The following BTBD8 variants were observed in gnomAD, a reference collection of about 807,000 sequenced individuals.
BTBD8 encodes the protein BTB domain containing 8.
A neutral mutation model predicts 162.9 loss-of-function variants in BTBD8; 110 were observed. The ratio of observed to expected loss-of-function variants is 0.68; its 90% CI spans 0.58 to 0.79. The LOEUF is 0.79. BTBD8 is among the 30% of genes least tolerant of loss of function. The pLI is 0.00. For missense variants in BTBD8, 1,905 were observed against 2,085.4 expected, an observed-to-expected ratio of 0.91 and a Z score of 1.68; for synonymous variants, 667 against 716.1, an observed-to-expected ratio of 0.93 and a Z score of 1.10.
At chr1:92,103,713 G>T (rs1648655337) in intron 3 of BTBD8, among the ~76,000 whole-genome samples, 1 of 152,188 alleles carries the variant, frequency 6.6e-6, no homozygotes. Flanking sequence ...GAGGGGAGGA[G>T]AAGGTAGTTT....
At chr1:92,152,769 A>G (rs1650073705) in intron 9 of BTBD8, among the ~76,000 whole-genome samples, 1 of 152,040 alleles carries the variant, frequency 6.6e-6, no homozygotes, top group Non-Finnish European at 1.5e-5. Flanking sequence ...TATAGCTGTA[A>G]TTAGGTCCTT....
In BTBD8 at chr1:92,111,006, TC is replaced by T. The variant is rs2101910252; in HGVS notation, c.662+3007del. The stretch of plus-strand genomic sequence containing the variant: ...GAGCAGTCATTCCTTTTTTTTTTTT[TC>T]CTAAGACAAAGTCTTGCTCTTTTGC... On this transcript the variant is annotated intron_variant, in intron 4 of 17. Transcript: ENST00000636805. 2.0e-5 allele frequency among the ~76,000 whole-genome samples: 3 copies of T among 152,020 alleles called. No individual in the cohort carries two copies. The South Asian group carries it at 6.2e-4, about 32-fold the overall frequency.
intron 2 of BTBD8, among the ~76,000 whole-genome samples, chr1:92,089,330 G>T (rs912015769): frequency 2.6e-5 from 4 of 152,170 alleles, no homozygotes; most frequent in African/African-American, 9.7e-5. Flanking sequence ...GACATTGCCA[G>T]ATGTCCTCTG....
At chr1:92,167,760 A>T in intron 10 of BTBD8, 88 bp from the exon 11 acceptor site, 1 of 1,043,694 alleles carries the variant, frequency 9.6e-7, no homozygotes. Context: ...TCATACAGCT[A>T]GTTATAATGA....
At chr1:92,167,662 AAAAT>A (rs1277126330) in intron 10 of BTBD8, among the ~76,000 whole-genome samples, 182 bp from the exon 11 acceptor site, 1 of 152,252 alleles carries the variant, frequency 6.6e-6, no homozygotes, top group African/African-American at 2.4e-5. Context: ...AAGTATAATA[AAAAT>A]AAATAAATAA....
At chr1:92,121,078 T>A (rs980016149) in intron 4 of BTBD8, among the ~76,000 whole-genome samples, 3 of 152,216 alleles carry the variant, frequency 2.0e-5, no homozygotes, top group African/African-American at 7.2e-5. Context: ...ATTGCCTAAA[T>A]TTTTAAAATC....
Position 92,085,724 on chromosome 1 carries a change from C to T in BTBD8, c.150-2974C>T, listed in dbSNP as rs193187835. 2.4e-3 allele frequency among the ~76,000 whole-genome samples: 363 copies of T among 152,002 alleles called. 2 individuals are homozygous for T. Among genetic ancestry groups the T allele is most frequent in the African/African-American group, 8.5e-3 (353 of 41,466 alleles). Reference sequence around the variant, plus strand: ...CAGCCTGGGTGACAGAGTGAGACTCCGTCTAAATAATAATAATTTACAGGC... The same window carrying T: ...CAGCCTGGGTGACAGAGTGAGACTCTGTCTAAATAATAATAATTTACAGGC... On this transcript the variant is annotated intron_variant, in intron 1 of 17. Coordinates refer to ENST00000636805, the MANE Select transcript of BTBD8 (RefSeq NM_001376131.1).
intron 9 of BTBD8, among the ~76,000 whole-genome samples, chr1:92,156,310 A>T (rs1487396459): frequency 6.6e-6 from 1 of 152,154 alleles, no homozygotes; most frequent in Non-Finnish European, 1.5e-5. Context: ...TGTACTGTTG[A>T]ATTCAGTGTG....
At chr1:92,089,621 A>G (rs912101885) in intron 2 of BTBD8, among the ~76,000 whole-genome samples, 14 of 152,292 alleles carry the variant, frequency 9.2e-5, no homozygotes, top group African/African-American at 3.4e-4. Context: ...TTCCTTGAAG[A>G]TAGCGTCTTC....
In BTBD8 at chr1:92,177,284, A is replaced by C. The variant is rs1650746565; in HGVS notation, c.2091A>C (p.Thr697=). Reference sequence around the variant, plus strand: ...CAGGTGCCAGACCCAAGGTACTCACAGGAAACTTAAATGTGCAAGCCAAAG... The same window carrying C: ...CAGGTGCCAGACCCAAGGTACTCACCGGAAACTTAAATGTGCAAGCCAAAG... ...QISGARPKVL[T]GNLNVQAKAK... is the part of the protein sequence containing the mutation. Residue 697 remains threonine (T), a synonymous_variant, in exon 14 of 18, where the codon ACA becomes ACC. Coordinates refer to ENST00000636805, the MANE Select transcript of BTBD8 (RefSeq NM_001376131.1). 6.4e-7 allele frequency: 1 copy of C among 1,552,030 alleles called. No individual in the cohort carries two copies. Among genetic ancestry groups the C allele is most frequent in the African/African-American group, 1.4e-5 (1 of 73,066 alleles).
intron 5 of BTBD8, among the ~76,000 whole-genome samples, chr1:92,134,292 G>A (rs1309371122): frequency 6.6e-6 from 1 of 152,128 alleles, no homozygotes; most frequent in African/African-American, 2.4e-5. Flanking sequence ...TTTCTGTCCT[G>A]ACTAAAATCC....
intron 2 of BTBD8, 70 bp downstream of exon 2, chr1:92,088,965 A>C (rs1035620393): frequency 7.7e-7 from 1 of 1,301,874 alleles, no homozygotes; most frequent in African/African-American, 1.5e-5. Context: ...GTTTTTATTT[A>C]ATATATTTTC....
chr1:92,105,560 ATCT>A (rs1005102987), intron 3 of BTBD8, among the ~76,000 whole-genome samples: 64 of 152,366 alleles, frequency 4.2e-4, no homozygotes, highest in African/African-American at 1.4e-3. Flanking sequence ...GCCAAAATAT[ATCT>A]TAAATATCTC....
intron 13 of BTBD8, among the ~76,000 whole-genome samples, chr1:92,175,184 TAAAG>T (rs2100682938): frequency 6.6e-6 from 1 of 151,656 alleles, no homozygotes; most frequent in East Asian, 1.9e-4. Context: ...CATACTTACA[TAAAG>T]AATGACAATA....
chr1:92,088,157 A>G (rs945842522), intron 1 of BTBD8, among the ~76,000 whole-genome samples: 2 of 152,170 alleles, frequency 1.3e-5, no homozygotes, highest in Non-Finnish European at 2.9e-5. Context: ...CATTTTTGAC[A>G]GCCACACCTG....
At position 92,181,241 on chromosome 1, in the gene BTBD8, T is replaced by G; in HGVS notation, c.3558T>G (p.Asp1186Glu). The G allele has an allele frequency of 6.4e-7, 1 of 1,551,722 alleles. No individual in the cohort carries two copies. Among genetic ancestry groups the G allele is most frequent in the South Asian group, 1.2e-5 (1 of 84,056 alleles). ...PSKLSDESAM[D>E]EDKHATADSD... Reference sequence around the variant, plus strand: ...AGTTGTCAGATGAATCTGCTATGGATGAAGACAAACATGCTACAGCAGACT... The same window carrying G: ...AGTTGTCAGATGAATCTGCTATGGAGGAAGACAAACATGCTACAGCAGACT... The change falls in exon 17 of 18, where the codon GAT becomes GAG. Residue 1186 changes from aspartate (D) to glutamate (E), a missense_variant. Around this residue, in one of 3 missense-constraint regions of BTBD8, gnomAD observed 1,374 missense variants for 1,442.7 expected, o/e 0.95. Transcript: ENST00000636805.
chr1:92,122,184 A>G (rs1185722913), intron 4 of BTBD8, among the ~76,000 whole-genome samples: 1 of 152,088 alleles, frequency 6.6e-6, no homozygotes, highest in Non-Finnish European at 1.5e-5. Flanking sequence ...ATTGGATTGT[A>G]TAGCTATACC....
intron 5 of BTBD8, among the ~76,000 whole-genome samples, chr1:92,137,689 T>C (rs1649666477): frequency 6.6e-6 from 1 of 152,220 alleles, no homozygotes; most frequent in East Asian, 1.9e-4. Flanking sequence ...ATCCCTTATC[T>C]GAAATGCTTG....
intron 2 of BTBD8, among the ~76,000 whole-genome samples, chr1:92,090,711 C>A (rs1009150513): frequency 6.6e-6 from 1 of 152,204 alleles, no homozygotes; most frequent in Non-Finnish European, 1.5e-5. Context: ...GGGCAGATCA[C>A]CTGAGATCAG....
Sources: gnomAD v4.1 joint callset for allele counts (sites outside exome capture counted in the v4.1 genomes callset) on GRCh38, gnomAD v4.1.1 for gene constraint, gnomAD v4.1.1 regional missense constraint, MANE v1.5 for transcripts, NCBI Gene and HGNC (gene_info 2026-07-23, HGNC 2026-07-21) for gene names.